DGKB: variants seen among roughly 807,000 people sequenced by gnomAD.
DGKB encodes 90 kDa diacylglycerol kinase.
In DGKB, 67 loss-of-function variants were observed where a neutral mutation model predicts 114.3. The observed-to-expected ratio is 0.59, with a 90% confidence interval of 0.48 to 0.72. The LOEUF is 0.72. DGKB is among the 30% of genes least tolerant of loss of function. DGKB has a pLI of 0.00. For missense variants in DGKB, 907 were observed against 975.2 expected, an observed-to-expected ratio of 0.93 and a Z score of 0.93; for synonymous variants, 398 against 323.1, an observed-to-expected ratio of 1.23 and a Z score of -2.49.
In DGKB at chr7:14,583,056, G is replaced by A. The variant is rs754427348; in HGVS notation, c.1515C>T (p.Cys505=). ...TTAAGTATGTGTCTGCATTACCTAT[G>A]CAATCCAAAACCCAGCCCACGGTTC... ...GDGTVGWVLD[C]IEKANVGKHP... Residue 505 remains cysteine, a synonymous_variant, in exon 18 of 26, where the codon TGC becomes TGT. Coordinates refer to ENST00000402815, the MANE Select transcript of DGKB (RefSeq NM_001350709.2). 2 of 1,607,464 alleles carry A rather than the reference G, an allele frequency of 1.2e-6. No individual in the cohort carries two copies. Among genetic ancestry groups the A allele is most frequent in the Admixed American group, 1.7e-5 (1 of 59,900 alleles).
chr7:14,874,837 C>A (rs187302794), intron 1 of DGKB, among the ~76,000 whole-genome samples: 146 of 152,190 alleles, frequency 9.6e-4, no homozygotes, highest in African/African-American at 3.4e-3. Context: ...AGTTTTAGAT[C>A]ACATAGTCCC....
intron 21 of DGKB, among the ~76,000 whole-genome samples, chr7:14,387,284 G>A (rs1011505131): frequency 6.6e-6 from 1 of 151,694 alleles, no homozygotes; most frequent in African/African-American, 2.4e-5. Context: ...GAGGTAGCAT[G>A]TGCCTGTAAT....
chr7:14,428,764 C>A (rs1827974834), intron 21 of DGKB, among the ~76,000 whole-genome samples: 1 of 151,952 alleles, frequency 6.6e-6, no homozygotes. Flanking sequence ...ACATTGTATA[C>A]CCCTCTCCCT....
chr7:14,965,953 T>C (rs67357207), intron 1 of DGKB, among the ~76,000 whole-genome samples: 19,426 of 152,122 alleles, frequency 0.13, 1,387 homozygotes, highest in Admixed American at 0.19. Context: ...AAAAAAACTA[T>C]ATCCTCCCAA....
chr7:14,918,028 G>A (rs894348227), intron 1 of DGKB, among the ~76,000 whole-genome samples: 8 of 151,930 alleles, frequency 5.3e-5, no homozygotes, highest in South Asian at 2.1e-4. Context: ...AATTGATACC[G>A]AAAAAGCATT....
At chr7:14,554,294 C>T (rs1473425724) in intron 20 of DGKB, among the ~76,000 whole-genome samples, 1 of 152,164 alleles carries the variant, frequency 6.6e-6, no homozygotes, top group African/African-American at 2.4e-5. Context: ...TCCCGAACAA[C>T]TCCTTAAGAT....
At chr7:14,614,024 A>T (rs924123424) in intron 15 of DGKB, among the ~76,000 whole-genome samples, 12 of 152,200 alleles carry the variant, frequency 7.9e-5, no homozygotes, top group African/African-American at 2.9e-4. Context: ...AGTAGAGTCC[A>T]TTAACTATTG....
chr7:14,867,729 G>T (rs1851888871), intron 1 of DGKB, among the ~76,000 whole-genome samples: 1 of 152,040 alleles, frequency 6.6e-6, no homozygotes, highest in South Asian at 2.1e-4. Flanking sequence ...TTAAGCTTCT[G>T]TTTACTCCTT....
chr7:14,649,355 A>G (rs1236584116), intron 13 of DGKB, among the ~76,000 whole-genome samples: 2 of 151,332 alleles, frequency 1.3e-5, no homozygotes, highest in East Asian at 2.0e-4. Context: ...ATTCTTAAAG[A>G]AAAGAATTTT....
chr7:14,498,197 A>C (rs575803953), intron 20 of DGKB, among the ~76,000 whole-genome samples: 11 of 151,964 alleles, frequency 7.2e-5, no homozygotes, highest in African/African-American at 2.6e-4. Flanking sequence ...TAGTGAAGCA[A>C]ATTTGCCACC....
intron 19 of DGKB, among the ~76,000 whole-genome samples, chr7:14,576,345 A>G (rs983900551): frequency 6.6e-6 from 1 of 151,826 alleles, no homozygotes; most frequent in Non-Finnish European, 1.5e-5. Flanking sequence ...TGTTTAATTA[A>G]TTTCTAATTG....
chr7:14,866,649 G>C lies in DGKB; in HGVS notation c.-187-25199C>G, dbSNP rs112106856. ...CTAGTCACCCTAGAAGGACATTTTGGTGGCTTTCAAGTTTTGGCAATTATT... is the reference window on the plus strand; with the variant it reads ...CTAGTCACCCTAGAAGGACATTTTGCTGGCTTTCAAGTTTTGGCAATTATT... On this transcript the variant is annotated intron_variant, in intron 1 of 25. Coordinates refer to ENST00000402815, the MANE Select transcript of DGKB (RefSeq NM_001350709.2). Among the ~76,000 whole-genome samples, 301 of 152,100 alleles carry C rather than the reference G, an allele frequency of 2.0e-3. 2 individuals carry two copies. The highest frequency in any genetic ancestry group is 6.5e-3 in the African/African-American group (271 of 41,484).
chr7:14,749,453 G>C (rs1015926057), intron 4 of DGKB, among the ~76,000 whole-genome samples: 2 of 152,086 alleles, frequency 1.3e-5, no homozygotes, highest in East Asian at 3.9e-4. Flanking sequence ...AGACTCAGTA[G>C]AAAGACAATT....
chr7:14,685,130 G>T, intron 10 of DGKB, 115 bp downstream of exon 10: 1 of 647,232 alleles, frequency 1.5e-6, no homozygotes, highest in Non-Finnish European at 2.7e-6. Flanking sequence ...TAAATCACAT[G>T]TACAGAGACA....
chr7:14,256,466 T>TTA (rs1795990714), intron 23 of DGKB, among the ~76,000 whole-genome samples: 1 of 148,374 alleles, frequency 6.7e-6, no homozygotes, highest in South Asian at 2.1e-4. Flanking sequence ...AAAATAAATA[T>TTA]TTTATTTATT....
intron 4 of DGKB, among the ~76,000 whole-genome samples, chr7:14,751,231 A>G (rs1389746503): frequency 2.0e-5 from 3 of 152,198 alleles, no homozygotes; most frequent in Non-Finnish European, 4.4e-5. Flanking sequence ...AAAGTACAAA[A>G]AGATCACCTA....
At chr7:14,194,312 G>A (rs1784722402) in intron 23 of DGKB, among the ~76,000 whole-genome samples, 1 of 152,068 alleles carries the variant, frequency 6.6e-6, no homozygotes, top group Non-Finnish European at 1.5e-5. Context: ...GTCCAACAGT[G>A]GATGAATGGA....
At chr7:14,821,983 G>A (rs1845007958) in intron 2 of DGKB, among the ~76,000 whole-genome samples, 1 of 152,100 alleles carries the variant, frequency 6.6e-6, no homozygotes, top group Non-Finnish European at 1.5e-5. Flanking sequence ...GATGCATTAA[G>A]GTTGAGTCAT....
rs1471588313 is a variant in DGKB, at chr7:14,248,016, GA to G, written c.2123-69866del. Among the ~76,000 whole-genome samples the G allele has an allele frequency of 3.9e-5, 6 of 151,928 alleles. No individual in the cohort carries two copies. The East Asian group carries it at 7.7e-4, about 20-fold the overall frequency. ...TTAAAATTTTAATCCATTTTAGGTT[GA>G]TTTTTTTTATATGTTGTGAAATAGG... On this transcript the variant is annotated intron_variant, in intron 23 of 25. Coordinates refer to ENST00000402815, the MANE Select transcript of DGKB (RefSeq NM_001350709.2).
Sources: allele counts gnomAD v4.1 joint callset (sites outside exome capture counted in the v4.1 genomes callset), GRCh38; gene constraint gnomAD v4.1.1; transcripts MANE v1.5; gene names NCBI Gene and HGNC (gene_info 2026-07-23, HGNC 2026-07-21).